TXNDC11: variants seen among roughly 807,000 people sequenced by gnomAD.
TXNDC11 encodes the protein thioredoxin domain-containing protein 11.
Under a neutral mutation model 78.0 loss-of-function variants are expected in TXNDC11, and 68 were observed. The ratio of observed to expected loss-of-function variants is 0.87; its 90% CI spans 0.72 to 1.07. The LOEUF (loss-of-function observed/expected upper bound fraction) is 1.07, where lower values mean the gene tolerates loss of function less well. Ranked by LOEUF, TXNDC11 falls within the 50% of genes least tolerant of loss-of-function variation. The pLI, the probability that TXNDC11 is intolerant of heterozygous loss-of-function variation, is 0.00. For missense variants in TXNDC11, 1,389 were observed against 1,221.8 expected (o/e 1.14, Z -2.04); for synonymous variants, 571 against 495.2 (o/e 1.15, Z -2.03).
chr16:11,688,212 T>C, intron 9 of TXNDC11, 91 bp downstream of exon 9: 1 of 1,429,416 alleles, frequency 7.0e-7, no homozygotes, highest in Non-Finnish European at 9.6e-7. Flanking sequence ...CTTCTATACA[T>C]CAAAAACAGC....
chr16:11,700,264 A>T lies in TXNDC11; in HGVS notation c.906+188T>A, dbSNP rs532086284. Among the ~76,000 whole-genome samples, 9 of 152,328 alleles carry T rather than the reference A, an allele frequency of 5.9e-5. No homozygotes were observed. In the East Asian group the frequency reaches 1.7e-3, roughly 29 times the overall value. On this transcript the variant is annotated intron_variant, in intron 6 of 11. Transcript: ENST00000283033. ...ATACATTAATTTCAAGAGCCCTCTA[A>T]TGCATGGGTTCTTAACCTGGAGCCT...
chr16:11,736,516 C>G (rs896571639), intron 1 of TXNDC11, among the ~76,000 whole-genome samples: 1 of 152,186 alleles, frequency 6.6e-6, no homozygotes, highest in Non-Finnish European at 1.5e-5. Flanking sequence ...CTCCCCACAT[C>G]CCAAAGACTT....
chr16:11,680,494 T>G (rs1288715052), intron 11 of TXNDC11, among the ~76,000 whole-genome samples: 1 of 152,112 alleles, frequency 6.6e-6, no homozygotes, highest in Admixed American at 6.5e-5. Context: ...GAAGGTGACA[T>G]AGAAAGGGGT....
chr16:11,731,461 T>G (rs2052043330), intron 3 of TXNDC11, among the ~76,000 whole-genome samples: 1 of 152,188 alleles, frequency 6.6e-6, no homozygotes, highest in Admixed American at 6.5e-5. Context: ...CTAATCAGAA[T>G]TCTCACGTGC....
intron 5 of TXNDC11, among the ~76,000 whole-genome samples, chr16:11,718,523 C>G (rs1052909446): frequency 6.6e-6 from 1 of 151,864 alleles, no homozygotes; most frequent in Non-Finnish European, 1.5e-5. Flanking sequence ...TTTCTCCTAC[C>G]TCTTACTGCA....
intron 10 of TXNDC11, among the ~76,000 whole-genome samples, chr16:11,685,968 T>A (rs1286746166): frequency 4.6e-5 from 7 of 152,176 alleles, no homozygotes; most frequent in Non-Finnish European, 1.0e-4. Flanking sequence ...TGCTTACTTT[T>A]TTTTTTCTGA....
chr16:11,723,646 T>C (rs1234933281), intron 4 of TXNDC11, among the ~76,000 whole-genome samples: 1 of 152,014 alleles, frequency 6.6e-6, no homozygotes, highest in Non-Finnish European at 1.5e-5. Context: ...ACAGTACCTA[T>C]GTGCACAACA....
At chr16:11,722,228 C>A (rs2051729338) in intron 4 of TXNDC11, among the ~76,000 whole-genome samples, 1 of 152,214 alleles carries the variant, frequency 6.6e-6, no homozygotes, top group Admixed American at 6.5e-5. Context: ...ACCCAGCATT[C>A]CACAGTGGCA....
In TXNDC11 at chr16:11,698,238, G is replaced by A. The variant is rs201331028; in HGVS notation, c.994C>T (p.Arg332Trp). The change falls in exon 7 of 12, where the codon CGG becomes TGG. Residue 332 changes from arginine (R) to tryptophan (W), a missense_variant. Physicochemically the swap from Arg to Trp is moderately radical, Grantham distance 101. Coordinates refer to ENST00000283033, the MANE Select transcript of TXNDC11 (RefSeq NM_015914.7). The stretch of plus-strand genomic sequence containing the variant: ...AGGAGACTCTTGCCTCCGTGTGGCC[G>A]CAGCCACCGAAAGAGCGTCTCCTGG... Reference protein sequence around the residue: ...ENQETLFRWLRPHGGKSLLLN... With the variant: ...ENQETLFRWLWPHGGKSLLLN... 9.4e-5 allele frequency: 151 copies of A among 1,613,986 alleles called. No individual in the cohort carries two copies. The highest frequency in any genetic ancestry group is 1.6e-4 in the Middle Eastern group (1 of 6,080).
intron 8 of TXNDC11, 97 bp from the exon 9 acceptor site, chr16:11,688,542 T>A: frequency 9.8e-7 from 1 of 1,016,236 alleles, no homozygotes; most frequent in Non-Finnish European, 1.4e-6. Flanking sequence ...TCAAATGACT[T>A]CATAGGCTCA....
At chr16:11,680,756 G>A (rs886653656) in intron 11 of TXNDC11, among the ~76,000 whole-genome samples, 1 of 152,192 alleles carries the variant, frequency 6.6e-6, no homozygotes, top group Admixed American at 6.5e-5. Context: ...TGGCTGCCCA[G>A]GGCCACTGGA....
chr16:11,707,454 AT>A (rs35259668), intron 5 of TXNDC11, among the ~76,000 whole-genome samples: 14 of 148,792 alleles, frequency 9.4e-5, no homozygotes, highest in Middle Eastern at 3.4e-3. Flanking sequence ...ATTTTTCCCA[AT>A]TTTTTTTTTT....
At chr16:11,736,275 T>A in intron 1 of TXNDC11, 42 bp from the exon 2 acceptor site, 2 of 1,461,230 alleles carry the variant, frequency 1.4e-6, no homozygotes, top group Non-Finnish European at 1.9e-6. Flanking sequence ...TAGTTTATCT[T>A]CTTCTAAAAA....
chr16:11,684,019 G>C, intron 11 of TXNDC11, 146 bp downstream of exon 11: 1 of 553,418 alleles, frequency 1.8e-6, no homozygotes, highest in Non-Finnish European at 3.3e-6. Flanking sequence ...CCAAAGTGCT[G>C]GGATTACAGG....
intron 7 of TXNDC11, among the ~76,000 whole-genome samples, chr16:11,694,097 CTTTTTTTTTTTT>C (rs535913245): frequency 0.077 from 6,619 of 85,714 alleles, 611 homozygotes; most frequent in African/African-American, 0.3. Flanking sequence ...TACAGCAATG[CTTTTTTTTTTTT>C]TTTTTTTTTT....
At chr16:11,737,178 G>A (rs1450452151) in intron 1 of TXNDC11, among the ~76,000 whole-genome samples, 2 of 152,168 alleles carry the variant, frequency 1.3e-5, no homozygotes, top group African/African-American at 4.8e-5. Context: ...CAGGCGTGGT[G>A]ACTCAGCCTG....
At chr16:11,737,377 G>A (rs570126165) in intron 1 of TXNDC11, among the ~76,000 whole-genome samples, 1 of 151,760 alleles carries the variant, frequency 6.6e-6, no homozygotes, top group South Asian at 2.1e-4. Flanking sequence ...CCCGGGAGGC[G>A]GAGGTTGCAG....
chr16:11,701,101 T>G (rs1264726008), intron 5 of TXNDC11, among the ~76,000 whole-genome samples: 1 of 149,536 alleles, frequency 6.7e-6, no homozygotes, highest in Non-Finnish European at 1.5e-5. Flanking sequence ...CATTCATTTA[T>G]TTAGATTTCC....
chr16:11,720,132 TGAGA>T (rs1185031109), intron 5 of TXNDC11, among the ~76,000 whole-genome samples: 2 of 152,164 alleles, frequency 1.3e-5, no homozygotes, highest in Non-Finnish European at 2.9e-5. Context: ...GAGTCAGGAC[TGAGA>T]GAGAGCATAC....
Sources: gnomAD v4.1 joint callset for allele counts (sites outside exome capture counted in the v4.1 genomes callset) on GRCh38, gnomAD v4.1.1 for gene constraint, MANE v1.5 for transcripts, NCBI Gene and HGNC (gene_info 2026-07-23, HGNC 2026-07-21) for gene names.